HHAT: variants seen among roughly 807,000 people sequenced by gnomAD.
HHAT encodes hedgehog acyltransferase.
In HHAT, 47 loss-of-function variants were observed where a neutral mutation model predicts 70.8. The observed-to-expected ratio is 0.66, with a 90% CI of 0.53 to 0.85. HHAT has a LOEUF of 0.85. Among genes scored for constraint, HHAT ranks in the 40% least tolerant of loss-of-function variants. HHAT has a pLI of 0.00. For synonymous variants in HHAT, 228 were observed against 247.6 expected (o/e 0.92, Z 0.74); for missense variants, 609 against 604.8 (o/e 1.01, Z -0.07).
Position 210,438,014 on chromosome 1 carries a change from C to T in HHAT, c.856+19689C>T, listed in dbSNP as rs1388634169. ...CCAGCAGATTCCATCATATCTTGGG[C>T]AGTCATCAGTGAACAGAGCTGTTTC... On this transcript the variant is annotated intron_variant, in intron 7 of 11. Transcript: ENST00000261458. 2.6e-5 allele frequency among the ~76,000 whole-genome samples: 4 copies of T among 151,856 alleles called. No individual in the cohort carries two copies. In the East Asian group the frequency reaches 5.8e-4, roughly 22 times the overall value.
intron 1 of HHAT, among the ~76,000 whole-genome samples, chr1:210,337,641 C>CT (rs1443484146): frequency 6.6e-6 from 1 of 152,208 alleles, no homozygotes; most frequent in Non-Finnish European, 1.5e-5. Context: ...CATTTCCTCT[C>CT]TGTCTCTGAC....
intron 9 of HHAT, among the ~76,000 whole-genome samples, chr1:210,572,152 C>T (rs377092433): frequency 7.2e-5 from 11 of 152,290 alleles, no homozygotes; most frequent in African/African-American, 2.6e-4. Flanking sequence ...GTTTTCCTTT[C>T]CAGTGCCAAA....
intron 3 of HHAT, among the ~76,000 whole-genome samples, chr1:210,383,016 G>C (rs12411194): frequency 6.6e-6 from 1 of 152,170 alleles, no homozygotes; most frequent in Admixed American, 6.5e-5. Flanking sequence ...CACGGAGTTA[G>C]ACAGAACTAC....
At chr1:210,420,820 A>G (rs899405609) in intron 7 of HHAT, among the ~76,000 whole-genome samples, 1 of 152,072 alleles carries the variant, frequency 6.6e-6, no homozygotes, top group Non-Finnish European at 1.5e-5. Context: ...TCGGTTCCAT[A>G]TTATTCTATT....
At chr1:210,408,929 A>G (rs545301418) in intron 6 of HHAT, among the ~76,000 whole-genome samples, 8 of 152,298 alleles carry the variant, frequency 5.3e-5, no homozygotes, top group African/African-American at 1.7e-4. Context: ...TGGTGCAATC[A>G]TAGCTCACTG....
At chr1:210,431,782 A>G (rs907075946) in intron 7 of HHAT, among the ~76,000 whole-genome samples, 3 of 151,862 alleles carry the variant, frequency 2.0e-5, no homozygotes, top group African/African-American at 7.3e-5. Flanking sequence ...AATGGCAAGG[A>G]CTGGGGGAAG....
intron 11 of HHAT, among the ~76,000 whole-genome samples, chr1:210,653,166 C>T (rs1298288963): frequency 6.6e-6 from 1 of 151,536 alleles, no homozygotes; most frequent in Non-Finnish European, 1.5e-5. Flanking sequence ...TGGGACAATT[C>T]CCAAGATATA....
At chr1:210,582,517 A>G (rs958067441) in intron 9 of HHAT, among the ~76,000 whole-genome samples, 5 of 152,162 alleles carry the variant, frequency 3.3e-5, no homozygotes, top group Admixed American at 6.5e-5. Context: ...GAGCTATTGT[A>G]TAGGTCCTTG....
At chr1:210,586,066 C>T (rs1157188627) in intron 9 of HHAT, among the ~76,000 whole-genome samples, 2 of 152,108 alleles carry the variant, frequency 1.3e-5, no homozygotes, top group Non-Finnish European at 2.9e-5. Context: ...AGTCTTTGTC[C>T]AGTGGCACAG....
rs114502079 is a variant in HHAT at position 210,493,456 on chromosome 1, C to A, written c.1008-19697C>A. ...GGCCTTCAACTGACTGAATAAGGCC[C>A]ACCCACATTATGGAGGGTAATCTGC... is the stretch of plus-strand genomic sequence containing the variant. On this transcript the variant is annotated intron_variant, in intron 8 of 11. Transcript: ENST00000261458. 7.3e-3 allele frequency among the ~76,000 whole-genome samples: 1,117 copies of A among 152,212 alleles called. 10 individuals carry two copies. Among genetic ancestry groups the A allele is most frequent in the African/African-American group, 0.024 (986 of 41,524 alleles).
intron 9 of HHAT, among the ~76,000 whole-genome samples, chr1:210,546,334 C>T (rs1484707562): frequency 6.6e-6 from 1 of 152,172 alleles, no homozygotes; most frequent in Non-Finnish European, 1.5e-5. Context: ...ATCCACTTGG[C>T]CTGAGGAAGC....
At chr1:210,344,742 G>A (rs2086358337) in intron 1 of HHAT, among the ~76,000 whole-genome samples, 1 of 152,116 alleles carries the variant, frequency 6.6e-6, no homozygotes, top group Non-Finnish European at 1.5e-5. Context: ...TGAAGTCGAG[G>A]TTCCAGAGAC....
At chr1:210,544,333 G>C (rs1294163511) in intron 9 of HHAT, among the ~76,000 whole-genome samples, 1 of 149,564 alleles carries the variant, frequency 6.7e-6, no homozygotes, top group South Asian at 2.1e-4. Flanking sequence ...AAGTCTCCAG[G>C]GTGTTTTGTT....
chr1:210,468,135 C>T (rs563030628), intron 8 of HHAT, among the ~76,000 whole-genome samples: 9 of 152,062 alleles, frequency 5.9e-5, no homozygotes, highest in Admixed American at 2.0e-4. Context: ...CGTGTATTCC[C>T]GCTTGCATGA....
intron 8 of HHAT, among the ~76,000 whole-genome samples, chr1:210,485,548 C>T (rs1490400194): frequency 6.6e-6 from 1 of 152,072 alleles, no homozygotes; most frequent in East Asian, 1.9e-4. Context: ...TTTCACACCA[C>T]TGATAAAGAC....
At chr1:210,560,043 G>A (rs1345250784) in intron 9 of HHAT, among the ~76,000 whole-genome samples, 1 of 152,104 alleles carries the variant, frequency 6.6e-6, no homozygotes, top group Non-Finnish European at 1.5e-5. Context: ...TGAGTTGGCT[G>A]CCTCTTAGCT....
intron 8 of HHAT, among the ~76,000 whole-genome samples, chr1:210,473,039 C>T (rs922630969): frequency 6.6e-6 from 1 of 152,122 alleles, no homozygotes; most frequent in Non-Finnish European, 1.5e-5. Context: ...AAAAGGTGCT[C>T]AACTCTCAGC....
At chr1:210,460,022 G>A (rs1440104231) in intron 7 of HHAT, among the ~76,000 whole-genome samples, 1 of 152,226 alleles carries the variant, frequency 6.6e-6, no homozygotes, top group East Asian at 1.9e-4. Flanking sequence ...CTCAGCTGAT[G>A]CTGTTCACCA....
At chr1:210,510,027 C>T (rs2094927818) in intron 8 of HHAT, among the ~76,000 whole-genome samples, 1 of 152,120 alleles carries the variant, frequency 6.6e-6, no homozygotes, top group Non-Finnish European at 1.5e-5. Flanking sequence ...TCTTTCAGGG[C>T]TGTAAGAATG....
Sources: allele counts gnomAD v4.1 joint callset (sites outside exome capture counted in the v4.1 genomes callset), GRCh38; gene constraint gnomAD v4.1.1; transcripts MANE v1.5; gene names NCBI Gene and HGNC (gene_info 2026-07-23, HGNC 2026-07-21).